CAMK1D: variants seen among roughly 807,000 people sequenced by gnomAD.
The protein encoded by CAMK1D is calcium/calmodulin dependent protein kinase ID.
Under a neutral mutation model 47.7 loss-of-function variants are expected in CAMK1D, and 9 were observed. The observed-to-expected ratio is 0.19, with a 90% CI of 0.11 to 0.33. The LOEUF is 0.33. Ranked by LOEUF, CAMK1D falls within the 10% of genes least tolerant of loss-of-function variation. The probability of loss-of-function intolerance (pLI) is 1.00; values close to 1 mark genes in which losing one functional copy is unlikely to be tolerated. For missense variants in CAMK1D, 291 were observed against 488.7 expected (o/e 0.60, Z 3.81); for synonymous variants, 184 against 184.9 (o/e 0.99, Z 0.04).
chr10:12,452,555 A>G (rs1833115972), intron 1 of CAMK1D, among the ~76,000 whole-genome samples: 1 of 152,032 alleles, frequency 6.6e-6, no homozygotes, highest in South Asian at 2.1e-4. Context: ...AATACACATT[A>G]TAGTAATATG....
intron 8 of CAMK1D, among the ~76,000 whole-genome samples, chr10:12,818,571 T>C (rs1408643027): frequency 6.6e-6 from 1 of 151,846 alleles, no homozygotes; most frequent in Non-Finnish European, 1.5e-5. Context: ...CTGGGGAGGC[T>C]GAGGCCTGGA....
chr10:12,671,562 T>C lies in CAMK1D; in HGVS notation c.299+4752T>C, dbSNP rs144483891. ...TCCTGATAACTAACGATTTTGAACA[T>C]CTTTTCCCATGTTAGCCACTTACAT... On this transcript the variant is annotated intron_variant, in intron 3 of 10. Coordinates refer to ENST00000619168, the MANE Select transcript of CAMK1D (RefSeq NM_153498.4). Among the ~76,000 whole-genome samples, 1,300 of 152,080 alleles carry C rather than the reference T, an allele frequency of 8.5e-3. 52 individuals carry two copies. The highest frequency in any genetic ancestry group is 0.068 in the Admixed American group (1,044 of 15,260).
intron 2 of CAMK1D, among the ~76,000 whole-genome samples, chr10:12,554,990 G>A (rs1836716153): frequency 2.6e-5 from 4 of 152,208 alleles, no homozygotes; most frequent in Admixed American, 2.6e-4. Flanking sequence ...TATGGTACCT[G>A]ATTTTGCATG....
At position 12,387,484 on chromosome 10, in the gene CAMK1D, TG is replaced by T. The variant is rs777544921; in HGVS notation, c.92+37575del. Among the ~76,000 whole-genome samples, 288 of 126,968 alleles carry T rather than the reference TG, an allele frequency of 2.3e-3. 4 individuals carry two copies. The highest frequency in any genetic ancestry group is 3.9e-3 in the Middle Eastern group (1 of 254). 83.3% of individuals were successfully genotyped at this position (126,968 alleles called of 152,430 possible). On this transcript the variant is annotated intron_variant, in intron 1 of 10. Transcript: ENST00000619168. The stretch of plus-strand genomic sequence containing the variant: ...ATATATAGACATTGTAAACTCTTAA[TG>T]AAAGTTATATTATGTGTATCTCGGT...
intron 1 of CAMK1D, among the ~76,000 whole-genome samples, chr10:12,392,982 A>G (rs1838794281): frequency 6.6e-6 from 1 of 151,884 alleles, no homozygotes; most frequent in Admixed American, 6.6e-5. Context: ...GTTCTTAGCT[A>G]CAACTGACTG....
At chr10:12,730,972 C>A (rs918733420) in intron 3 of CAMK1D, among the ~76,000 whole-genome samples, 7 of 152,282 alleles carry the variant, frequency 4.6e-5, no homozygotes, top group Admixed American at 2.0e-4. Flanking sequence ...ATGTTTGAGA[C>A]ACTTTGCTGC....
intron 1 of CAMK1D, among the ~76,000 whole-genome samples, chr10:12,363,278 G>A (rs1261445683): frequency 2.6e-5 from 4 of 151,086 alleles, no homozygotes; most frequent in African/African-American, 4.9e-5. Context: ...TTTTTGAGAC[G>A]GATTCTTGCT....
intron 3 of CAMK1D, among the ~76,000 whole-genome samples, chr10:12,694,120 G>A (rs12778466): frequency 0.078 from 951 of 12,144 alleles, 87 homozygotes; most frequent in Non-Finnish European, 0.084. Flanking sequence ...TATATATTAT[G>A]CATAATATAT....
chr10:12,398,142 G>T (rs558041127), intron 1 of CAMK1D, among the ~76,000 whole-genome samples: 15 of 152,162 alleles, frequency 9.9e-5, no homozygotes, highest in African/African-American at 3.6e-4. Context: ...ACAGAGATTT[G>T]ATACCCACTG....
intron 10 of CAMK1D, 138 bp downstream of exon 10, chr10:12,825,828 A>C: frequency 6.8e-7 from 1 of 1,459,920 alleles, no homozygotes; most frequent in South Asian, 1.3e-5. Flanking sequence ...ATGCGACCCT[A>C]GGACTTTTTT....
intron 3 of CAMK1D, among the ~76,000 whole-genome samples, chr10:12,716,602 C>A (rs1834145903): frequency 6.6e-6 from 1 of 151,912 alleles, no homozygotes; most frequent in Non-Finnish European, 1.5e-5. Flanking sequence ...TTTTGCACAC[C>A]CAGCACCCTG....
intron 4 of CAMK1D, among the ~76,000 whole-genome samples, chr10:12,765,749 G>C (rs535976846): frequency 2.6e-5 from 4 of 152,130 alleles, no homozygotes; most frequent in African/African-American, 9.7e-5. Flanking sequence ...GCTCTCTCCT[G>C]TAGAGAGAGG....
intron 2 of CAMK1D, among the ~76,000 whole-genome samples, chr10:12,619,625 T>C (rs554858630): frequency 6.6e-6 from 1 of 152,302 alleles, no homozygotes; most frequent in African/African-American, 2.4e-5. Context: ...ATTTTAATTT[T>C]AACATTTTAA....
At chr10:12,789,529 T>C (rs1039023533) in intron 5 of CAMK1D, among the ~76,000 whole-genome samples, 43 of 152,212 alleles carry the variant, frequency 2.8e-4, no homozygotes, top group African/African-American at 9.4e-4. Flanking sequence ...GTTGTCAGAG[T>C]TCAAAGGATT....
chr10:12,470,474 A>G (rs139228177), intron 1 of CAMK1D, among the ~76,000 whole-genome samples: 1 of 152,082 alleles, frequency 6.6e-6, no homozygotes, highest in East Asian at 1.9e-4. Context: ...TTTTCACTAA[A>G]ATCCCTAAAA....
chr10:12,813,661 A>G (rs555597497), intron 6 of CAMK1D, among the ~76,000 whole-genome samples: 67 of 151,788 alleles, frequency 4.4e-4, no homozygotes, highest in African/African-American at 1.5e-3. Flanking sequence ...ATTAAATCGC[A>G]GTTTTACTCC....
chr10:12,350,150 C>T (rs1214952252), intron 1 of CAMK1D, among the ~76,000 whole-genome samples: 2 of 152,100 alleles, frequency 1.3e-5, no homozygotes, highest in Non-Finnish European at 2.9e-5. Context: ...AGGGAGCAGC[C>T]CACGCGGGCG....
At chr10:12,402,124 TAG>T (rs979630490) in intron 1 of CAMK1D, among the ~76,000 whole-genome samples, 4 of 152,074 alleles carry the variant, frequency 2.6e-5, no homozygotes, top group African/African-American at 9.7e-5. Flanking sequence ...GTGTTTTTAA[TAG>T]AGACAGGGTT....
At chr10:12,396,348 G>C (rs1838954472) in intron 1 of CAMK1D, among the ~76,000 whole-genome samples, 1 of 152,132 alleles carries the variant, frequency 6.6e-6, no homozygotes, top group South Asian at 2.1e-4. Context: ...TAAGAACTTG[G>C]GGAACGGTTG....
Sources: gnomAD v4.1 joint callset for allele counts (sites outside exome capture counted in the v4.1 genomes callset) on GRCh38, gnomAD v4.1.1 for gene constraint, MANE v1.5 for transcripts, NCBI Gene and HGNC (gene_info 2026-07-23, HGNC 2026-07-21) for gene names.